The following PCDH7 variants were observed in gnomAD, a reference collection of about 807,000 sequenced individuals.
PCDH7 encodes the protein protocadherin-7.
In PCDH7, 17 loss-of-function variants were observed where a neutral mutation model predicts 58.9. The observed-to-expected ratio is 0.29, with a 90% CI of 0.20 to 0.43. The LOEUF is 0.43. Among genes scored for constraint, PCDH7 ranks in the 20% least tolerant of loss-of-function variants. The probability of loss-of-function intolerance (pLI) is 1.00; values close to 1 mark genes in which losing one functional copy is unlikely to be tolerated. For synonymous variants in PCDH7, 664 were observed against 616.4 expected (o/e 1.08, Z -1.14); for missense variants, 1,274 against 1,441.0 (o/e 0.88, Z 1.88).
intron 3 of PCDH7, among the ~76,000 whole-genome samples, chr4:31,129,406 T>C (rs181090361): frequency 3.3e-5 from 5 of 152,222 alleles, no homozygotes; most frequent in Admixed American, 1.3e-4. Flanking sequence ...ATTAATATCA[T>C]GAATACATTG....
In PCDH7 at chr4:30,729,229, G is replaced by A. The variant is rs187084738; in HGVS notation, c.3175-1524G>A. Reference sequence around the variant, plus strand: ...TTTATCTGATCATACTACCTTTGGGGGAAAAAAACTGAATTTCTGTAACTT... The same window carrying A: ...TTTATCTGATCATACTACCTTTGGGAGAAAAAAACTGAATTTCTGTAACTT... On this transcript the variant is annotated intron_variant, in intron 1 of 1. Transcript: ENST00000361762. 2.8e-4 allele frequency among the ~76,000 whole-genome samples: 43 copies of A among 151,774 alleles called. No homozygotes were observed. In the East Asian group the frequency reaches 7.9e-3, roughly 28 times the overall value.
chr4:30,735,303 A>C (rs980391519), downstream of PCDH7, among the ~76,000 whole-genome samples: 1 of 152,174 alleles, frequency 6.6e-6, no homozygotes, highest in Admixed American at 6.5e-5. Context: ...ATGCTCACCG[A>C]TAAACTTTCC....
At position 30,823,812 on chromosome 4, in the gene PCDH7, GC is replaced by G. The variant is rs1387413094; in HGVS notation, c.71-96340del. Among the ~76,000 whole-genome samples the G allele has an allele frequency of 2.6e-4, 39 of 152,114 alleles. 1 individual carries two copies. Among genetic ancestry groups the G allele is most frequent in the Non-Finnish European group, 2.9e-5 (2 of 68,008 alleles). On this transcript the variant is annotated intron_variant, in intron 1 of 3. Coordinates refer to the PCDH7 transcript ENST00000509759. ...GCATAGGTCCGAAAGTGCTGCCTCT[GC>G]AGAACAAATAGCACCCAACCAAAAA...
intron 1 of PCDH7, among the ~76,000 whole-genome samples, chr4:30,834,167 C>T (rs1413577266): frequency 4.6e-5 from 7 of 152,144 alleles, no homozygotes; most frequent in South Asian, 2.1e-4. Flanking sequence ...ATTTACTTAT[C>T]ACCAGGGCCC....
At chr4:31,056,095 G>T (rs73812504) in intron 3 of PCDH7, among the ~76,000 whole-genome samples, 2 of 152,000 alleles carry the variant, frequency 1.3e-5, no homozygotes, top group Non-Finnish European at 2.9e-5. Flanking sequence ...AGAGCCGGGC[G>T]TGGTGGCTCA....
At chr4:31,093,344 T>G (rs1300561351) in intron 3 of PCDH7, among the ~76,000 whole-genome samples, 6 of 152,164 alleles carry the variant, frequency 3.9e-5, no homozygotes, top group Non-Finnish European at 8.8e-5. Context: ...AGTCAAAAGG[T>G]AAATTCTGTT....
Position 30,775,689 on chromosome 4 carries a change from C to T in PCDH7, c.70+51093C>T, listed in dbSNP as rs1487482506. On this transcript the variant is annotated intron_variant, in intron 1 of 3. Coordinates refer to the PCDH7 transcript ENST00000509759. ...TTGGGAGGCCAAGGCGGGAGGATCA[C>T]GAGGTCAGGAGTTTGAGGCCAACGT... Among the ~76,000 whole-genome samples the T allele has an allele frequency of 2.0e-5, 3 of 151,996 alleles. No homozygotes were observed. The East Asian group carries it at 5.8e-4, about 29-fold the overall frequency.
At chr4:31,084,314 A>T (rs1299981731) in intron 3 of PCDH7, among the ~76,000 whole-genome samples, 2 of 152,186 alleles carry the variant, frequency 1.3e-5, no homozygotes, top group Non-Finnish European at 2.9e-5. Context: ...TTATAGGTTC[A>T]TTTGTAGGGA....
chr4:30,787,324 G>T (rs948734008), intron 1 of PCDH7, among the ~76,000 whole-genome samples: 2 of 152,022 alleles, frequency 1.3e-5, no homozygotes, highest in Non-Finnish European at 2.9e-5. Context: ...TATACCTCAG[G>T]ATTGAAATCC....
chr4:30,846,529 T>C (rs569792107), intron 1 of PCDH7, among the ~76,000 whole-genome samples: 2 of 152,048 alleles, frequency 1.3e-5, no homozygotes, highest in Admixed American at 1.3e-4. Context: ...TGGTATTATG[T>C]TATAGTAACA....
At chr4:31,082,087 T>C (rs1711561987) in intron 3 of PCDH7, among the ~76,000 whole-genome samples, 1 of 152,142 alleles carries the variant, frequency 6.6e-6, no homozygotes, top group Admixed American at 6.5e-5. Flanking sequence ...TGCCTGGCCT[T>C]TTTAAAAAAT....
At position 30,900,126 on chromosome 4, in the gene PCDH7, C is replaced by T. The variant is rs917132791; in HGVS notation, c.71-20027C>T. On this transcript the variant is annotated intron_variant, in intron 1 of 3. Transcript: ENST00000509759. ...CAAAGATTGGGATTTACTGGGTTGT[C>T]TAACTTAAATCTTTTTGCTATACTG... Among the ~76,000 whole-genome samples the T allele has an allele frequency of 2.0e-5, 3 of 152,202 alleles. No individual in the cohort carries two copies. In the East Asian group the frequency reaches 5.8e-4, roughly 29 times the overall value.
intron 1 of PCDH7, among the ~76,000 whole-genome samples, chr4:30,854,573 AG>A: frequency 6.6e-6 from 1 of 152,064 alleles, no homozygotes; most frequent in East Asian, 1.9e-4. Context: ...ACTTTTTTAA[AG>A]GGAAAAAACA....
At chr4:30,956,196 C>G (rs548674161) in intron 3 of PCDH7, among the ~76,000 whole-genome samples, 22 of 151,522 alleles carry the variant, frequency 1.5e-4, no homozygotes, top group African/African-American at 4.4e-4. Context: ...CCTGGGCACT[C>G]CAGCCTGGGC....
At chr4:30,895,105 C>T (rs1417610666) in intron 1 of PCDH7, among the ~76,000 whole-genome samples, 1 of 150,446 alleles carries the variant, frequency 6.6e-6, no homozygotes, top group African/African-American at 2.5e-5. Flanking sequence ...TTAAACAGTT[C>T]CATTTTCATT....
chr4:31,113,751 A>G (rs189829176), intron 3 of PCDH7, among the ~76,000 whole-genome samples: 41 of 152,044 alleles, frequency 2.7e-4, no homozygotes, highest in Admixed American at 9.2e-4. Flanking sequence ...ACACAAAATA[A>G]CTCTTAGGGA....
intron 3 of PCDH7, among the ~76,000 whole-genome samples, chr4:30,989,363 T>A (rs1216774527): frequency 2.6e-5 from 4 of 152,224 alleles, no homozygotes; most frequent in Admixed American, 2.6e-4. Flanking sequence ...ATCTCACTAG[T>A]ACATATAGCT....
chr4:31,138,838 T>C (rs557972592), intron 3 of PCDH7, among the ~76,000 whole-genome samples: 1 of 151,924 alleles, frequency 6.6e-6, no homozygotes, highest in African/African-American at 2.4e-5. Context: ...AGCCAGGTGG[T>C]AGTGGTGCGC....
intron 1 of PCDH7, among the ~76,000 whole-genome samples, chr4:30,898,268 T>G: frequency 6.6e-6 from 1 of 152,154 alleles, no homozygotes; most frequent in East Asian, 1.9e-4. Context: ...TGAAGGAATT[T>G]TAAAACCCGA....
Sources: allele counts gnomAD v4.1 joint callset (sites outside exome capture counted in the v4.1 genomes callset), GRCh38; gene constraint gnomAD v4.1.1; transcripts MANE v1.5; gene names NCBI Gene and HGNC (gene_info 2026-07-23, HGNC 2026-07-21).